The following TENM2 variants were observed in gnomAD, a reference collection of about 807,000 sequenced individuals.
TENM2 encodes the protein teneurin-2.
A neutral mutation model predicts 245.2 loss-of-function variants in TENM2; 52 were observed. The ratio of observed to expected loss-of-function variants is 0.21; its 90% confidence interval spans 0.17 to 0.27. The LOEUF (loss-of-function observed/expected upper bound fraction) is 0.27. Ranked by LOEUF, TENM2 falls within the 10% of genes least tolerant of loss-of-function variation. The pLI, the probability that TENM2 is intolerant of heterozygous loss-of-function variation, is 1.00. For synonymous variants in TENM2, 1,363 were observed against 1,438.9 expected (o/e 0.95, Z 1.19); for missense variants, 3,046 against 3,666.8 (o/e 0.83, Z 4.37).
intron 1 of TENM2, among the ~76,000 whole-genome samples, chr5:167,291,651 G>T (rs934745115): frequency 1.3e-5 from 2 of 152,214 alleles, no homozygotes; most frequent in African/African-American, 2.4e-5. Context: ...TACGGCTGTA[G>T]CTGGCCACAT....
intron 13 of TENM2, among the ~76,000 whole-genome samples, chr5:168,182,825 C>CTTTTT (rs149579948): frequency 4.0e-5 from 4 of 100,682 alleles, no homozygotes; most frequent in Non-Finnish European, 7.6e-5. Context: ...TCAGGGTGCT[C>CTTTTT]TTTTTTTTTT....
At chr5:167,456,258 C>T (rs978799783) in intron 2 of TENM2, among the ~76,000 whole-genome samples, 9 of 152,126 alleles carry the variant, frequency 5.9e-5, no homozygotes, top group Non-Finnish European at 1.2e-4. Context: ...CCACTTTGAG[C>T]ATTCTGGGGA....
chr5:167,493,826 G>A (rs1044394259), intron 2 of TENM2, among the ~76,000 whole-genome samples: 4 of 152,052 alleles, frequency 2.6e-5, no homozygotes, highest in Admixed American at 6.6e-5. Context: ...GGGAGTTGAC[G>A]TGATGTTGTG....
intron 2 of TENM2, among the ~76,000 whole-genome samples, chr5:167,424,511 G>C (rs1262986680): frequency 6.6e-6 from 1 of 152,038 alleles, no homozygotes; most frequent in African/African-American, 2.4e-5. Context: ...TATTTAAAAG[G>C]ATAATAATTT....
rs143548358 is a variant in TENM2 at position 168,262,071 on chromosome 5, C to A, written c.7586C>A (p.Thr2529Lys). Residue 2529 changes from threonine to lysine, a missense_variant, in exon 29 of 29, where the codon ACA becomes AAA. By Grantham distance (78) the Thr-to-Lys change is moderately conservative. Coordinates refer to ENST00000518659, the Ensembl canonical transcript of TENM2. ...CAGCTCATTACAGGTGTCCAACAGA[C>A]AACAGAGAGACATAACCAGGCCTTC... The A allele has an allele frequency of 2.8e-3, 4,492 of 1,613,914 alleles. 5 individuals carry two copies. The highest frequency in any genetic ancestry group is 3.6e-3 in the Non-Finnish European group (4,239 of 1,179,808).
intron 2 of TENM2, among the ~76,000 whole-genome samples, chr5:167,790,775 G>T (rs534891738): frequency 6.6e-6 from 1 of 152,224 alleles, no homozygotes; most frequent in Admixed American, 6.5e-5. Context: ...CTCCGCATAG[G>T]ATCCCTGCAA....
intron 4 of TENM2, among the ~76,000 whole-genome samples, chr5:167,984,741 G>T (rs540758509): frequency 6.6e-6 from 1 of 152,340 alleles, no homozygotes; most frequent in South Asian, 2.1e-4. Context: ...GAACGCTTAA[G>T]CGATCACCTA....
At chr5:167,519,403 A>G (rs1167427298) in intron 2 of TENM2, among the ~76,000 whole-genome samples, 1 of 152,102 alleles carries the variant, frequency 6.6e-6, no homozygotes, top group Non-Finnish European at 1.5e-5. Flanking sequence ...CCCTTTATAT[A>G]GTAGGAATAT....
the TENM2 span, among the ~76,000 whole-genome samples, chr5:167,222,112 C>A: frequency 2.0e-5 from 3 of 152,072 alleles, no homozygotes; most frequent in African/African-American, 4.8e-5. Flanking sequence ...CTGAAAGGGA[C>A]TTTTTTCAGT....
intron 2 of TENM2, among the ~76,000 whole-genome samples, chr5:167,872,511 AG>A (rs1258673658): frequency 8.2e-5 from 1 of 12,260 alleles, no homozygotes; most frequent in African/African-American, 1.9e-4. Context: ...AAAGAAAGAA[AG>A]AAAGAAAGAA....
chr5:167,506,957 A>G lies in TENM2; in HGVS notation c.502+131484A>G, dbSNP rs1769599658. Among the ~76,000 whole-genome samples the G allele has an allele frequency of 1.3e-5, 2 of 152,198 alleles. 1 individual carries two copies. Among genetic ancestry groups the G allele is most frequent in the South Asian group, 4.1e-4 (2 of 4,834 alleles). On this transcript the variant is annotated intron_variant, in intron 2 of 28. Coordinates refer to ENST00000518659, the Ensembl canonical transcript of TENM2. ...GTTTGTGAAAGTTCCATCTTCATTCACATAATTACCCAACAGACTTAAACA... is the reference window on the plus strand; with the variant it reads ...GTTTGTGAAAGTTCCATCTTCATTCGCATAATTACCCAACAGACTTAAACA...
At chr5:167,353,683 A>G (rs929165270) in intron 1 of TENM2, among the ~76,000 whole-genome samples, 1 of 150,570 alleles carries the variant, frequency 6.6e-6, no homozygotes, top group Non-Finnish European at 1.5e-5. Context: ...AATTTTTTGT[A>G]TTTTTAGTAG....
chr5:167,498,350 A>C (rs6555759), intron 2 of TENM2, among the ~76,000 whole-genome samples: 150,906 of 152,216 alleles, frequency 0.99, 74,818 homozygotes, highest in Middle Eastern at 1. Flanking sequence ...TAGTGAATGA[A>C]TTCTTACGTC....
At position 167,375,157 on chromosome 5, in the gene TENM2, C is replaced by G. The variant is rs370964442; in HGVS notation, c.227-41C>G. ...GATAAATTTTAACTTTGTAAAGCAT[C>G]TCACAAATTTTAATCAGCTTCTCTG... On this transcript the variant is annotated intron_variant, in intron 1 of 28. Coordinates refer to ENST00000518659, the Ensembl canonical transcript of TENM2. The G allele has an allele frequency of 8.7e-5, 133 of 1,533,652 alleles. No homozygotes were observed. In the African/African-American group the frequency reaches 1.6e-3, roughly 19 times the overall value.
At chr5:167,351,309 C>T (rs1425750153) in intron 1 of TENM2, among the ~76,000 whole-genome samples, 1 of 152,020 alleles carries the variant, frequency 6.6e-6, no homozygotes, top group African/African-American at 2.4e-5. Flanking sequence ...TAGTGACTGA[C>T]AACAAAGCGT....
chr5:167,178,898 T>C, the TENM2 span, among the ~76,000 whole-genome samples: 14 of 152,230 alleles, frequency 9.2e-5, no homozygotes, highest in African/African-American at 3.4e-4. Flanking sequence ...TTTTTCTTGT[T>C]ACCTTAAGAA....
At chr5:167,033,370 T>C in the TENM2 span, among the ~76,000 whole-genome samples, 2 of 152,214 alleles carry the variant, frequency 1.3e-5, no homozygotes, top group African/African-American at 4.8e-5. Flanking sequence ...GTGACTAGGA[T>C]AAAGCAGTTT....
At chr5:167,842,848 G>T (rs1334606069) in intron 2 of TENM2, among the ~76,000 whole-genome samples, 2 of 152,092 alleles carry the variant, frequency 1.3e-5, no homozygotes, top group Non-Finnish European at 2.9e-5. Flanking sequence ...ATTGGATGAG[G>T]CCAGTGGCGC....
intron 1 of TENM2, among the ~76,000 whole-genome samples, chr5:167,322,789 A>G (rs1756848349): frequency 6.6e-6 from 1 of 152,224 alleles, no homozygotes; most frequent in African/African-American, 2.4e-5. Context: ...TTAGTAGGTC[A>G]TCTGCCACTG....
Sources: allele counts gnomAD v4.1 joint callset (sites outside exome capture counted in the v4.1 genomes callset), GRCh38; gene constraint gnomAD v4.1.1; transcripts MANE v1.5; gene names NCBI Gene and HGNC (gene_info 2026-07-23, HGNC 2026-07-21).